The following THSD7A variants were observed in gnomAD, a reference collection of about 807,000 sequenced individuals.
The protein encoded by THSD7A is thrombospondin type 1 domain containing 7A.
In THSD7A, 96 loss-of-function variants were observed where a neutral mutation model predicts 231.3. The observed-to-expected ratio is 0.41, with a 90% CI of 0.35 to 0.49. The LOEUF is 0.49. Among genes scored for constraint, THSD7A ranks in the 20% least tolerant of loss-of-function variants. THSD7A has a pLI of 0.05. For missense variants in THSD7A, 2,290 were observed against 2,070.2 expected, an observed-to-expected ratio of 1.11 and a Z score of -2.06; for synonymous variants, 940 against 743.3, an observed-to-expected ratio of 1.26 and a Z score of -4.30.
chr7:11,614,253 A>C (rs372967418), intron 2 of THSD7A, among the ~76,000 whole-genome samples: 1 of 152,328 alleles, frequency 6.6e-6, no homozygotes. Flanking sequence ...CCTGCCTTAG[A>C]GATTTTAGTT....
intron 13 of THSD7A, among the ~76,000 whole-genome samples, chr7:11,440,095 G>C (rs1251370025): frequency 1.3e-5 from 2 of 151,896 alleles, no homozygotes; most frequent in Non-Finnish European, 2.9e-5. Flanking sequence ...GAAAATACTA[G>C]AGCCCTTAAG....
chr7:11,773,500 C>G (rs1273341331), intron 1 of THSD7A, among the ~76,000 whole-genome samples: 3 of 151,944 alleles, frequency 2.0e-5, no homozygotes, highest in Non-Finnish European at 4.4e-5. Context: ...ATTGCAAACT[C>G]CAGCCTGAGC....
intron 1 of THSD7A, among the ~76,000 whole-genome samples, chr7:11,673,596 C>T (rs1259243771): frequency 2.6e-5 from 4 of 151,714 alleles, no homozygotes; most frequent in Non-Finnish European, 4.4e-5. Context: ...AGACTGCCTG[C>T]CTGGCCACTC....
At chr7:11,399,045 C>T (rs1173529287) in intron 23 of THSD7A, among the ~76,000 whole-genome samples, 2 of 152,152 alleles carry the variant, frequency 1.3e-5, no homozygotes, top group East Asian at 3.9e-4. Flanking sequence ...TGTGAAAACC[C>T]TCAGGCCTTC....
At chr7:11,569,839 A>T (rs1790544072) in intron 4 of THSD7A, among the ~76,000 whole-genome samples, 1 of 152,234 alleles carries the variant, frequency 6.6e-6, no homozygotes, top group South Asian at 2.1e-4. Flanking sequence ...TATACTATTC[A>T]TCCATACAAA....
intron 2 of THSD7A, among the ~76,000 whole-genome samples, chr7:11,635,706 G>T (rs1421179991): frequency 6.6e-6 from 1 of 152,026 alleles, no homozygotes; most frequent in African/African-American, 2.4e-5. Context: ...TTTGTTTATA[G>T]GGTAATTCTG....
At chr7:11,421,375 A>G (rs1261848422) in intron 16 of THSD7A, among the ~76,000 whole-genome samples, 4 of 152,006 alleles carry the variant, frequency 2.6e-5, no homozygotes, top group South Asian at 2.1e-4. Flanking sequence ...CCATGTGAAG[A>G]TATGCTTGCT....
chr7:11,432,102 T>C (rs1260919506), intron 13 of THSD7A, among the ~76,000 whole-genome samples: 2 of 152,098 alleles, frequency 1.3e-5, no homozygotes, highest in African/African-American at 4.8e-5. Flanking sequence ...TGCCTAATCA[T>C]AAATTATCTG....
chr7:11,393,472 T>C (rs1442135043), intron 23 of THSD7A, among the ~76,000 whole-genome samples: 2 of 152,172 alleles, frequency 1.3e-5, no homozygotes, highest in Non-Finnish European at 2.9e-5. Flanking sequence ...GTATCACAAC[T>C]CTTCGCCAGC....
intron 23 of THSD7A, chr7:11,384,233 T>C (rs1469682407): frequency 6.6e-6 from 1 of 151,824 alleles, no homozygotes; most frequent in African/African-American, 2.4e-5. Context: ...TTTAAGACTA[T>C]TAACTTGTTT....
chr7:11,661,361 C>T (rs1439596378), intron 1 of THSD7A, among the ~76,000 whole-genome samples: 1 of 151,038 alleles, frequency 6.6e-6, no homozygotes, highest in African/African-American at 2.4e-5. Context: ...GCTAAGAATA[C>T]AAAGATATAG....
At chr7:11,726,550 T>A (rs1781554689) in intron 1 of THSD7A, among the ~76,000 whole-genome samples, 1 of 152,032 alleles carries the variant, frequency 6.6e-6, no homozygotes, top group Admixed American at 6.6e-5. Flanking sequence ...GAATTGATTT[T>A]TTTTGCACCC....
chr7:11,588,433 T>C (rs1241040842), intron 4 of THSD7A, among the ~76,000 whole-genome samples: 1 of 152,222 alleles, frequency 6.6e-6, no homozygotes. Context: ...TCCTAAATTA[T>C]TCATGTTACA....
chr7:11,820,127 C>A (rs1784825333), intron 1 of THSD7A, among the ~76,000 whole-genome samples: 1 of 152,170 alleles, frequency 6.6e-6, no homozygotes, highest in African/African-American at 2.4e-5. Context: ...CCGGGCTCCA[C>A]CGCCAGCCTC....
intron 9 of THSD7A, among the ~76,000 whole-genome samples, chr7:11,464,049 T>A (rs1429467784): frequency 6.6e-6 from 1 of 152,192 alleles, no homozygotes; most frequent in East Asian, 1.9e-4. Context: ...TTTTCTAGCA[T>A]AATTTTTCTC....
chr7:11,431,683 C>T (rs559100965), intron 13 of THSD7A, among the ~76,000 whole-genome samples: 1 of 152,148 alleles, frequency 6.6e-6, no homozygotes, highest in Admixed American at 6.6e-5. Flanking sequence ...TTGAGTCAAA[C>T]TTCTATATGC....
At chr7:11,546,768 A>AAG (rs2128324644) in intron 4 of THSD7A, among the ~76,000 whole-genome samples, 1 of 152,334 alleles carries the variant, frequency 6.6e-6, no homozygotes, top group East Asian at 1.9e-4. Flanking sequence ...GATGGCAATG[A>AAG]AGATCACTGA....
intron 2 of THSD7A, among the ~76,000 whole-genome samples, chr7:11,610,736 A>G (rs980857549): frequency 2.3e-4 from 35 of 152,164 alleles, no homozygotes; most frequent in African/African-American, 8.2e-4. Flanking sequence ...AAAAACCAAC[A>G]TCTTTAGATA....
chr7:11,619,362 A>T (rs554572322), intron 2 of THSD7A, among the ~76,000 whole-genome samples: 1 of 151,578 alleles, frequency 6.6e-6, no homozygotes, highest in Admixed American at 6.6e-5. Flanking sequence ...TTACATTAAA[A>T]TAGCCACATG....
Sources: gnomAD v4.1 joint callset for allele counts (sites outside exome capture counted in the v4.1 genomes callset) on GRCh38, gnomAD v4.1.1 for gene constraint, MANE v1.5 for transcripts, NCBI Gene and HGNC (gene_info 2026-07-23, HGNC 2026-07-21) for gene names.